ZNF704: variants seen among roughly 807,000 people sequenced by gnomAD.
ZNF704 encodes the protein zinc finger protein 704.
ZNF704 carries 10 observed loss-of-function variants against 44.7 expected under a neutral mutation model. The ratio of observed to expected loss-of-function variants is 0.22; its 90% CI spans 0.14 to 0.38. The LOEUF (loss-of-function observed/expected upper bound fraction) is 0.38, where lower values mean the gene tolerates loss of function less well. ZNF704 is among the 10% of genes least tolerant of loss of function. ZNF704 has a pLI of 1.00. For missense variants in ZNF704, 390 were observed against 545.5 expected, an observed-to-expected ratio of 0.71 and a Z score of 2.84; for synonymous variants, 211 against 207.6, an observed-to-expected ratio of 1.02 and a Z score of -0.14.
chr8:80,678,653 A>G (rs1200668985), intron 4 of ZNF704, among the ~76,000 whole-genome samples: 2 of 152,230 alleles, frequency 1.3e-5, no homozygotes, highest in Non-Finnish European at 2.9e-5. Flanking sequence ...GGTTGACAAC[A>G]GGGGATTGGT....
Position 80,639,237 on chromosome 8 carries a change from A to G in ZNF704, c.*2129T>C, listed in dbSNP as rs1817705764. 6.6e-6 allele frequency: 1 copy of G among 152,224 alleles called. No homozygotes were observed. The highest frequency in any genetic ancestry group is 1.5e-5 in the Non-Finnish European group (1 of 68,032). 9.4% of individuals were successfully genotyped at this position (152,224 alleles called of 1,614,324 possible). A position where few individuals can be genotyped will look rare whatever the true frequency, so the allele number is the denominator to read the frequency against. On this transcript the variant is annotated 3_prime_UTR_variant, in exon 9 of 9. Coordinates refer to ENST00000327835, the MANE Select transcript of ZNF704 (RefSeq NM_001033723.3). ...ACCCTGTCATTTAAACACATGGTGA[A>G]CTTGTTTAAACAGGTGACAAGCTCT...
chr8:80,781,098 T>A (rs1807515078), intron 2 of ZNF704, among the ~76,000 whole-genome samples: 1 of 152,186 alleles, frequency 6.6e-6, no homozygotes, highest in Non-Finnish European at 1.5e-5. Context: ...TAGCTCATGA[T>A]CATTAGTCTT....
intron 1 of ZNF704, among the ~76,000 whole-genome samples, chr8:80,831,609 TAGA>T (rs1808474173): frequency 6.6e-6 from 1 of 152,176 alleles, no homozygotes; most frequent in African/African-American, 2.4e-5. Flanking sequence ...AACATCTGGT[TAGA>T]AGGACAGAAA....
rs567298389 is a variant in ZNF704, at chr8:80,821,762, GA to G, written c.-21-148del. On this transcript the variant is annotated intron_variant, in intron 1 of 8. Transcript: ENST00000327835. ...ATTTTAATAAGAAAAATGCAACATA[GA>G]AATAAAATAACTTCACAAAATAATA... 53 of 634,930 alleles carry G rather than the reference GA, an allele frequency of 8.3e-5. No homozygotes were observed. The East Asian group carries it at 1.3e-3, about 16-fold the overall frequency. The allele number at this position is 634,930 out of a possible 1,614,324, so 39.3% of individuals were successfully genotyped here.
chr8:80,710,505 A>T (rs930342961), intron 2 of ZNF704, among the ~76,000 whole-genome samples: 3 of 152,126 alleles, frequency 2.0e-5, no homozygotes, highest in African/African-American at 7.2e-5. Context: ...CTATCTCCAC[A>T]ATATTCATAT....
chr8:80,845,336 G>A (rs1376314732), intron 1 of ZNF704, among the ~76,000 whole-genome samples: 2 of 152,170 alleles, frequency 1.3e-5, no homozygotes, highest in African/African-American at 4.8e-5. Context: ...TGACTCTGGT[G>A]ATAAGAACAG....
intron 2 of ZNF704, among the ~76,000 whole-genome samples, chr8:80,717,852 C>T (rs72671917): frequency 0.02 from 3,007 of 152,244 alleles, 40 homozygotes; most frequent in Middle Eastern, 0.041. Flanking sequence ...AAAGCTAAAC[C>T]TCTTAGCATG....
chr8:80,881,682 C>A, the ZNF704 span, among the ~76,000 whole-genome samples: 1 of 152,120 alleles, frequency 6.6e-6, no homozygotes, highest in Non-Finnish European at 1.5e-5. Context: ...AATCCCAGCA[C>A]TTTGGGAGGC....
chr8:80,732,080 A>C (rs1402759059), intron 2 of ZNF704, among the ~76,000 whole-genome samples: 2 of 152,214 alleles, frequency 1.3e-5, no homozygotes, highest in Non-Finnish European at 2.9e-5. Context: ...CTATTTCACA[A>C]GGCTTCCTGA....
intron 3 of ZNF704, among the ~76,000 whole-genome samples, chr8:80,689,734 C>A (rs1353071360): frequency 6.6e-6 from 1 of 152,184 alleles, no homozygotes; most frequent in Non-Finnish European, 1.5e-5. Context: ...TACATGGCTT[C>A]ATGTCAATGC....
At chr8:80,684,019 T>G (rs1195448893) in intron 4 of ZNF704, among the ~76,000 whole-genome samples, 2 of 152,218 alleles carry the variant, frequency 1.3e-5, no homozygotes, top group Non-Finnish European at 2.9e-5. Context: ...TATTAAAATG[T>G]TGCCACATTC....
intron 1 of ZNF704, among the ~76,000 whole-genome samples, chr8:80,842,682 G>A (rs1164918890): frequency 2.6e-5 from 4 of 152,160 alleles, no homozygotes; most frequent in Admixed American, 6.5e-5. Flanking sequence ...AAAAGCTTCT[G>A]TTTGGAGTAA....
At chr8:80,875,153 C>A (rs1809339570), upstream of ZNF704, among the ~76,000 whole-genome samples, 1 of 152,006 alleles carries the variant, frequency 6.6e-6, no homozygotes, top group African/African-American at 2.4e-5. Flanking sequence ...TGAAGTAAGA[C>A]CAAATCTGGA....
intron 2 of ZNF704, among the ~76,000 whole-genome samples, chr8:80,777,178 T>C (rs1365022900): frequency 6.6e-6 from 1 of 152,214 alleles, no homozygotes; most frequent in Non-Finnish European, 1.5e-5. Flanking sequence ...CCCTTCCCTA[T>C]TGTTTTATCA....
chr8:80,677,751 T>C (rs918395425), intron 4 of ZNF704, among the ~76,000 whole-genome samples: 1 of 152,204 alleles, frequency 6.6e-6, no homozygotes, highest in Non-Finnish European at 1.5e-5. Context: ...ATATTTGTTA[T>C]GTTCAATCTC....
rs561043627 is a variant in ZNF704 at position 80,655,380 on chromosome 8, A to G, written c.1032+4205T>C. On this transcript the variant is annotated intron_variant, in intron 7 of 8. Coordinates refer to ENST00000327835, the MANE Select transcript of ZNF704 (RefSeq NM_001033723.3). Reference sequence around the variant, plus strand: ...GTATTTGGAAAGTTCCCAGTATAAAAAAAAAAAGAATTTTAAATTATAGTC... The same window carrying G: ...GTATTTGGAAAGTTCCCAGTATAAAGAAAAAAAGAATTTTAAATTATAGTC... Among the ~76,000 whole-genome samples, 44 of 152,298 alleles carry G rather than the reference A, an allele frequency of 2.9e-4. No individual in the cohort carries two copies. In the South Asian group the frequency reaches 8.5e-3, roughly 29 times the overall value.
At chr8:80,670,654 TTTTC>T in intron 4 of ZNF704, 51 bp from the exon 5 acceptor site, 2 of 1,301,230 alleles carry the variant, frequency 1.5e-6, no homozygotes, top group Non-Finnish European at 2.2e-6. Flanking sequence ...TCTAACAACA[TTTTC>T]TTTATGTCAT....
At chr8:80,878,253 AAAGGAAGGAAGG>A (rs746307538), upstream of ZNF704, among the ~76,000 whole-genome samples, 28,629 of 140,036 alleles carry the variant, frequency 0.2, 3,202 homozygotes, top group Non-Finnish European at 0.24. Flanking sequence ...AAAGAGAAAG[AAAGGAAGGAAGG>A]AAGGAAGGAA....
intron 4 of ZNF704, among the ~76,000 whole-genome samples, chr8:80,682,638 G>A (rs1482812162): frequency 9.9e-5 from 8 of 80,622 alleles, no homozygotes; most frequent in Non-Finnish European, 2.9e-4. Flanking sequence ...CGGTCAGTGT[G>A]GGTCAGGGTG....
Sources: gnomAD v4.1 joint callset for allele counts (sites outside exome capture counted in the v4.1 genomes callset) on GRCh38, gnomAD v4.1.1 for gene constraint, MANE v1.5 for transcripts, NCBI Gene and HGNC (gene_info 2026-07-23, HGNC 2026-07-21) for gene names.